FBN1: variants seen among roughly 807,000 people sequenced by gnomAD.
FBN1 encodes the protein fibrillin 1, also known as fibrillin-1.
A neutral mutation model predicts 365.1 loss-of-function variants in FBN1; 29 were observed. The observed-to-expected ratio is 0.08, with a 90% CI of 0.06 to 0.11. The LOEUF is 0.11. FBN1 is among the 10% of genes least tolerant of loss of function. The pLI is 1.00. For synonymous variants in FBN1, 1,210 were observed against 1,270.5 expected, an observed-to-expected ratio of 0.95 and a Z score of 1.01; for missense variants, 2,476 against 3,703.2, an observed-to-expected ratio of 0.67 and a Z score of 8.60.
intron 2 of FBN1, among the ~76,000 whole-genome samples, chr15:48,617,430 C>A (rs1047329625): frequency 2.6e-5 from 4 of 152,146 alleles, no homozygotes; most frequent in Non-Finnish European, 5.9e-5. Context: ...GCCTCTGCCT[C>A]CCAAAGTGCT....
intron 6 of FBN1, among the ~76,000 whole-genome samples, chr15:48,547,619 A>C (rs1292735049): frequency 1.3e-5 from 2 of 152,258 alleles, no homozygotes; most frequent in Non-Finnish European, 2.9e-5. Flanking sequence ...GATGGTTTTG[A>C]TACATTGGTT....
intron 18 of FBN1, among the ~76,000 whole-genome samples, 178 bp downstream of exon 18, chr15:48,498,807 C>T (rs1447757492): frequency 1.3e-5 from 2 of 152,208 alleles, no homozygotes; most frequent in South Asian, 2.1e-4. Context: ...CTAGAGCCCA[C>T]AGTGCCCCGG....
At chr15:48,548,110 T>G (rs2044111676) in intron 6 of FBN1, among the ~76,000 whole-genome samples, 1 of 152,196 alleles carries the variant, frequency 6.6e-6, no homozygotes, top group East Asian at 1.9e-4. Flanking sequence ...TGATCCATAT[T>G]CTTAGACACC....
At chr15:48,418,056 T>C (rs768574982) in intron 63 of FBN1, among the ~76,000 whole-genome samples, 4 of 152,242 alleles carry the variant, frequency 2.6e-5, no homozygotes, top group African/African-American at 4.8e-5. Flanking sequence ...TTCTGTGTTT[T>C]TTCCTCCAAA....
Position 48,481,696 on chromosome 15 carries a change from T to G in FBN1, c.3923A>C (p.Asp1308Ala), listed in dbSNP as rs746254931. 1.2e-6 allele frequency: 2 copies of G among 1,613,870 alleles called. No individual in the cohort carries two copies. Among genetic ancestry groups the G allele is most frequent in the Non-Finnish European group, 1.7e-6 (2 of 1,179,786 alleles). Residue 1308 changes from aspartate to alanine, a missense_variant, in exon 32 of 66, where the codon GAT (aspartate) becomes GCT (alanine). This residue lies in a region of FBN1 where 1,780 missense variants were observed against 2,840.8 expected (regional missense o/e 0.63). Coordinates refer to ENST00000316623, the MANE Select transcript of FBN1 (RefSeq NM_000138.5). Reference protein sequence around the residue: ...NTKGSFICHCDMGYSGKKGKT... With the variant: ...NTKGSFICHCAMGYSGKKGKT... ...TCCTTTTTTGCCGGAGTAGCCCATA[T>G]CACAGTGGCAGATAAATGAGCCTTT...
intron 29 of FBN1, among the ~76,000 whole-genome samples, chr15:48,486,548 T>C (rs1263512130): frequency 6.6e-6 from 1 of 152,224 alleles, no homozygotes; most frequent in Non-Finnish European, 1.5e-5. Flanking sequence ...GAGCCAGGCA[T>C]AGCCTCAATT....
intron 6 of FBN1, among the ~76,000 whole-genome samples, chr15:48,589,005 G>A (rs966985286): frequency 3.3e-5 from 5 of 152,172 alleles, no homozygotes; most frequent in Admixed American, 3.3e-4. Context: ...TTGCACTCCA[G>A]CAATTTATCG....
intron 6 of FBN1, among the ~76,000 whole-genome samples, chr15:48,569,209 G>T (rs2044285701): frequency 6.6e-6 from 1 of 151,898 alleles, no homozygotes. Context: ...ACATGAATAG[G>T]CACATGAAAA....
intron 64 of FBN1, among the ~76,000 whole-genome samples, chr15:48,413,447 C>T (rs979898693): frequency 6.6e-6 from 1 of 152,218 alleles, no homozygotes; most frequent in Non-Finnish European, 1.5e-5. Context: ...TAAACAAACC[C>T]ATGCCCAAGA....
At chr15:48,592,727 AAGC>A (rs2044487949) in intron 6 of FBN1, among the ~76,000 whole-genome samples, 1 of 152,198 alleles carries the variant, frequency 6.6e-6, no homozygotes, top group Non-Finnish European at 1.5e-5. Flanking sequence ...TTGACAGAGA[AAGC>A]AGCAGGAGGT....
At position 48,410,594 on chromosome 15, in the gene FBN1, C is replaced by T. The variant is rs1258413108; in HGVS notation, c.*396G>A. 2 of 182,280 alleles carry T rather than the reference C, an allele frequency of 1.1e-5. No homozygotes were observed. Among genetic ancestry groups the T allele is most frequent in the East Asian group, 1.5e-4 (1 of 6,534 alleles). The allele number at this position is 182,280 out of a possible 1,614,324, so 11.3% of individuals were successfully genotyped here. On this transcript the variant is annotated 3_prime_UTR_variant, in exon 66 of 66. Coordinates refer to ENST00000316623, the MANE Select transcript of FBN1 (RefSeq NM_000138.5). ...GCACCAAATAGGTACCATAAATGGA[C>T]AACCTAGTACTTGTATTTGGAGAAG...
intron 31 of FBN1, among the ~76,000 whole-genome samples, chr15:48,483,367 G>C (rs1021291008): frequency 6.6e-6 from 1 of 152,216 alleles, no homozygotes; most frequent in Non-Finnish European, 1.5e-5. Flanking sequence ...TGTGAGGAAA[G>C]GCAGATTAGA....
intron 2 of FBN1, among the ~76,000 whole-genome samples, chr15:48,615,206 C>G (rs1375842927): frequency 6.6e-6 from 1 of 152,202 alleles, no homozygotes; most frequent in African/African-American, 2.4e-5. Flanking sequence ...AGTCCAATCC[C>G]TACCAAATCC....
rs920443798 is a variant in FBN1, at chr15:48,537,457, C to T, written c.736+154G>A. On this transcript the variant is annotated intron_variant, in intron 7 of 65. Transcript: ENST00000316623. ...ACTTCAGCTGCTCTCTCGAGAGCCA[C>T]GTTCCTAATGCCTTAGTTGGATATC... 5.3e-5 allele frequency among the ~76,000 whole-genome samples: 8 copies of T among 152,200 alleles called. No homozygotes were observed. The East Asian group carries it at 1.2e-3, about 22-fold the overall frequency.
chr15:48,477,241 A>G (rs913709623), intron 32 of FBN1, among the ~76,000 whole-genome samples: 2 of 152,214 alleles, frequency 1.3e-5, no homozygotes, highest in African/African-American at 2.4e-5. Flanking sequence ...AAAAATCATC[A>G]GTAATATGCT....
chr15:48,581,249 A>T (rs2044389837), intron 6 of FBN1, among the ~76,000 whole-genome samples: 1 of 152,194 alleles, frequency 6.6e-6, no homozygotes, highest in Non-Finnish European at 1.5e-5. Flanking sequence ...CTAAATTTCC[A>T]GTAGTTTTTA....
At chr15:48,443,106 CA>C (rs2043129227) in intron 49 of FBN1, among the ~76,000 whole-genome samples, 1 of 152,124 alleles carries the variant, frequency 6.6e-6, no homozygotes, top group Non-Finnish European at 1.5e-5. Flanking sequence ...TCTTTCTGTG[CA>C]ACGCAAAATC....
chr15:48,564,635 A>G (rs1490086271), intron 6 of FBN1, among the ~76,000 whole-genome samples: 2 of 152,200 alleles, frequency 1.3e-5, no homozygotes, highest in Non-Finnish European at 2.9e-5. Flanking sequence ...ATAAATATTT[A>G]TAGTTGCACA....
intron 43 of FBN1, 110 bp from the exon 44 acceptor site, chr15:48,456,872 GCGTGCA>G: frequency 2.8e-5 from 31 of 1,101,388 alleles, no homozygotes; most frequent in Non-Finnish European, 3.7e-5. Flanking sequence ...GTGTGTGTGT[GCGTGCA>G]TGTGTTGGGG....
Sources: allele counts gnomAD v4.1 joint callset (sites outside exome capture counted in the v4.1 genomes callset), GRCh38; gene constraint gnomAD v4.1.1; regional missense constraint gnomAD v4.1.1; transcripts MANE v1.5; gene names NCBI Gene and HGNC (gene_info 2026-07-23, HGNC 2026-07-21).